ZNF560: variants seen among roughly 807,000 people sequenced by gnomAD.
The protein encoded by ZNF560 is zinc finger protein 560.
In ZNF560, 54 loss-of-function variants were observed where a neutral mutation model predicts 81.8. The ratio of observed to expected loss-of-function variants is 0.66; its 90% CI spans 0.53 to 0.83. The LOEUF is 0.83. Ranked by LOEUF, ZNF560 falls within the 40% of genes least tolerant of loss-of-function variation. The probability of loss-of-function intolerance (pLI) is 0.00; values close to 1 mark genes in which losing one functional copy is unlikely to be tolerated. For missense variants in ZNF560, 940 were observed against 932.4 expected, an observed-to-expected ratio of 1.01 and a Z score of -0.11; for synonymous variants, 321 against 317.9, an observed-to-expected ratio of 1.01 and a Z score of -0.10.
At chr19:9,497,021 A>T (rs2073570053) in intron 2 of ZNF560, among the ~76,000 whole-genome samples, 1 of 152,052 alleles carries the variant, frequency 6.6e-6, no homozygotes, top group Non-Finnish European at 1.5e-5. Context: ...AACCAGGCAC[A>T]GAAACACAAA....
At chr19:9,452,216 A>C in the ZNF560 span, among the ~76,000 whole-genome samples, 1 of 152,216 alleles carries the variant, frequency 6.6e-6, no homozygotes, top group South Asian at 2.1e-4. Context: ...CCACAATGAG[A>C]TACCATCTCA....
upstream of ZNF560, among the ~76,000 whole-genome samples, chr19:9,499,148 T>G (rs996623560): frequency 2.0e-5 from 3 of 152,102 alleles, no homozygotes; most frequent in Non-Finnish European, 4.4e-5. Context: ...ATATTGCAAT[T>G]TTTTTCTTTT....
intron 2 of ZNF560, among the ~76,000 whole-genome samples, chr19:9,494,662 G>A (rs1192700563): frequency 6.6e-6 from 1 of 152,066 alleles, no homozygotes; most frequent in Non-Finnish European, 1.5e-5. Context: ...CTTGAACCTG[G>A]GAGGCAGAGG....
chr19:9,469,862 T>C, intron 7 of ZNF560, 152 bp from the exon 8 acceptor site: 1 of 613,610 alleles, frequency 1.6e-6, no homozygotes, highest in Non-Finnish European at 2.9e-6. Flanking sequence ...ACACTGGTTA[T>C]CTCTGACCTC....
At chr19:9,461,675 G>T (rs1277390578), downstream of ZNF560, among the ~76,000 whole-genome samples, 2 of 152,172 alleles carry the variant, frequency 1.3e-5, no homozygotes, top group African/African-American at 4.8e-5. Flanking sequence ...GTGGGTGGGA[G>T]ATCAAGTAGC....
intron 2 of ZNF560, among the ~76,000 whole-genome samples, chr19:9,476,007 T>TA (rs1337152474): frequency 1.3e-5 from 2 of 152,130 alleles, no homozygotes; most frequent in Non-Finnish European, 2.9e-5. Context: ...AAGAACACAC[T>TA]TAAGGGGGCT....
At chr19:9,477,918 A>G (rs143587194) in intron 2 of ZNF560, among the ~76,000 whole-genome samples, 3 of 152,220 alleles carry the variant, frequency 2.0e-5, no homozygotes, top group South Asian at 4.1e-4. Flanking sequence ...CATCATCAAA[A>G]GAGCAAATTT....
chr19:9,486,155 A>T, intron 2 of ZNF560, among the ~76,000 whole-genome samples: 1 of 152,206 alleles, frequency 6.6e-6, no homozygotes, highest in East Asian at 1.9e-4. Context: ...ATTCACATGA[A>T]CACATGACTC....
chr19:9,453,036 G>T, the ZNF560 span, among the ~76,000 whole-genome samples: 1 of 152,152 alleles, frequency 6.6e-6, no homozygotes, highest in Admixed American at 6.5e-5. Context: ...AACTCCTAAG[G>T]TGTTTATATT....
chr19:9,476,590 A>G (rs1489926104), intron 2 of ZNF560, among the ~76,000 whole-genome samples: 1 of 151,962 alleles, frequency 6.6e-6, no homozygotes, highest in Non-Finnish European at 1.5e-5. Flanking sequence ...GCGCCCGGCC[A>G]ATCTGATGGT....
chr19:9,467,806 A>G lies in ZNF560; in HGVS notation c.1141T>C (p.Cys381Arg). Reference protein sequence around the residue: ...IGIKPYKCKHCGKTFTVPSGF... With the variant: ...IGIKPYKCKHRGKTFTVPSGF... ...GACGGCACAGTGAAGGTTTTGCCAC[A>G]GTGCTTACATTTATAAGGTTTTATC... Residue 381 changes from cysteine (C) to arginine (R), a missense_variant, in exon 10 of 10, where the codon TGT becomes CGT. By Grantham distance (180) the Cys-to-Arg change is radical (BLOSUM62 -3). Transcript: ENST00000301480. 1 of 1,614,196 alleles carries G rather than the reference A, an allele frequency of 6.2e-7. No individual in the cohort carries two copies. Among genetic ancestry groups the G allele is most frequent in the Non-Finnish European group, 8.5e-7 (1 of 1,180,030 alleles).
chr19:9,497,017 G>T (rs1266112875), intron 2 of ZNF560, among the ~76,000 whole-genome samples: 1 of 151,876 alleles, frequency 6.6e-6, no homozygotes, highest in African/African-American at 2.4e-5. Context: ...AATAAACCAG[G>T]CACAGAAACA....
chr19:9,498,357 G>A (rs2073595242), intron 1 of ZNF560, 142 bp from the exon 2 acceptor site: 1 of 152,370 alleles, frequency 6.6e-6, no homozygotes, highest in Non-Finnish European at 1.5e-5. Flanking sequence ...GGCTCCTCTA[G>A]GGGACCGAAG....
intron 6 of ZNF560, 97 bp from the exon 7 acceptor site, chr19:9,470,615 CTGAGTGCTCCCACTA>C: frequency 6.4e-7 from 1 of 1,554,798 alleles, no homozygotes; most frequent in Admixed American, 1.7e-5. Context: ...GTACAGGGTA[CTGAGTGCTCCCACTA>C]TCTACACCCC....
chr19:9,489,290 G>T (rs2073433204), intron 2 of ZNF560, among the ~76,000 whole-genome samples: 1 of 151,404 alleles, frequency 6.6e-6, no homozygotes, highest in Non-Finnish European at 1.5e-5. Flanking sequence ...CAGTGCGGCG[G>T]CCGGTTAGAG....
rs377415622 is a variant in ZNF560, at chr19:9,467,492, C to A, written c.1455G>T (p.Gln485His). The A allele has an allele frequency of 3.1e-6, 5 of 1,613,978 alleles. No homozygotes were observed. The African/African-American group carries it at 6.7e-5, about 22-fold the overall frequency. ...VIEDRRSNTG[Q>H]KRFDCDQCGK... is the part of the protein sequence containing the mutation. ...CACACTGGTCACAATCAAAGCGTTT[C>A]TGTCCTGTGTTACTTCTTCTATCTT... The change falls in exon 10 of 10, where the codon CAG becomes CAT. Residue 485 changes from glutamine (Q) to histidine (H), a missense_variant. Transcript: ENST00000301480.
chr19:9,478,020 A>G (rs1245208755), intron 2 of ZNF560, among the ~76,000 whole-genome samples: 1 of 152,208 alleles, frequency 6.6e-6, no homozygotes, highest in East Asian at 1.9e-4. Context: ...AAAATATATA[A>G]ATATCCATAC....
chr19:9,467,943 T>C lies in ZNF560; in HGVS notation c.1004A>G (p.His335Arg), dbSNP rs762228295. 7 of 1,614,178 alleles carry C rather than the reference T, an allele frequency of 4.3e-6. No homozygotes were observed. Among genetic ancestry groups the C allele is most frequent in the Middle Eastern group, 3.3e-4 (2 of 6,062 alleles). ...AATGTGTGTTTCAACATTTACAGCATGGCTTGTGGAGTGAGTAAATGCTTC... is the reference window on the plus strand; with the variant it reads ...AATGTGTGTTTCAACATTTACAGCACGGCTTGTGGAGTGAGTAAATGCTTC... ...CGEAFTHSTSHAVNVETHIIK... is the reference protein window; with the variant it reads ...CGEAFTHSTSRAVNVETHIIK... Residue 335 changes from histidine to arginine, a missense_variant, in exon 10 of 10, where the codon CAT becomes CGT. Coordinates refer to ENST00000301480, the MANE Select transcript of ZNF560 (RefSeq NM_152476.3).
intron 9 of ZNF560, 37 bp downstream of exon 9, chr19:9,469,068 A>T: frequency 1.3e-6 from 2 of 1,485,740 alleles, no homozygotes; most frequent in Non-Finnish European, 1.8e-6. Context: ...GTCTTCTCTG[A>T]ATGTGAAAAA....
Sources: gnomAD v4.1 joint callset for allele counts (sites outside exome capture counted in the v4.1 genomes callset) on GRCh38, gnomAD v4.1.1 for gene constraint, MANE v1.5 for transcripts, NCBI Gene and HGNC (gene_info 2026-07-23, HGNC 2026-07-21) for gene names.